EPSTI1: variants seen among roughly 807,000 people sequenced by gnomAD.
The protein encoded by EPSTI1 is epithelial-stromal interaction protein 1.
EPSTI1 carries 66 observed loss-of-function variants against 49.9 expected under a neutral mutation model. The observed-to-expected ratio is 1.32, with a 90% CI of 1.08 to 1.62. The LOEUF is 1.62. Among genes scored for constraint, EPSTI1 ranks in the 40% most tolerant of loss-of-function variants. The probability of loss-of-function intolerance (pLI) is 0.00; values close to 1 mark genes in which losing one functional copy is unlikely to be tolerated. For missense variants in EPSTI1, 394 were observed against 365.5 expected (o/e 1.08, Z -0.64); for synonymous variants, 137 against 130.7 (o/e 1.05, Z -0.33).
intron 6 of EPSTI1, among the ~76,000 whole-genome samples, chr13:42,930,426 A>G (rs190596561): frequency 1.4e-3 from 214 of 152,360 alleles, no homozygotes; most frequent in Non-Finnish European, 1.6e-3. Context: ...ACTGGGTATG[A>G]GCAAATGACA....
chr13:42,967,676 G>C (rs772637325), intron 3 of EPSTI1, among the ~76,000 whole-genome samples: 1 of 152,196 alleles, frequency 6.6e-6, no homozygotes, highest in Non-Finnish European at 1.5e-5. Context: ...CTGTATCAGG[G>C]AAATCCAGGT....
intron 6 of EPSTI1, among the ~76,000 whole-genome samples, chr13:42,931,191 C>CTTTT (rs57488808): frequency 1.3e-5 from 1 of 77,628 alleles, no homozygotes; most frequent in African/African-American, 4.9e-5. Context: ...TTGCCTACAG[C>CTTTT]TTTTTTTTTT....
At chr13:42,926,769 A>C (rs550544341) in intron 6 of EPSTI1, among the ~76,000 whole-genome samples, 2 of 152,172 alleles carry the variant, frequency 1.3e-5, no homozygotes, top group Admixed American at 6.5e-5. Context: ...CTGAACATTT[A>C]ATGCTTAACA....
chr13:42,916,591 CAAAG>C (rs1161034571), intron 8 of EPSTI1, among the ~76,000 whole-genome samples: 1 of 151,980 alleles, frequency 6.6e-6, no homozygotes, highest in Non-Finnish European at 1.5e-5. Flanking sequence ...TGGGGAAAGA[CAAAG>C]AAAACATAAA....
chr13:42,895,147 G>A, intron 9 of EPSTI1, 39 bp from the exon 10 acceptor site: 1 of 1,485,222 alleles, frequency 6.7e-7, no homozygotes, highest in African/African-American at 1.4e-5. Flanking sequence ...TAGAAAACTT[G>A]CTGCAGGGCT....
chr13:42,964,666 A>G (rs1048315978), intron 3 of EPSTI1, among the ~76,000 whole-genome samples: 7 of 152,222 alleles, frequency 4.6e-5, no homozygotes, highest in Non-Finnish European at 7.3e-5. Flanking sequence ...TAAAAATACA[A>G]TGGGAATATT....
In EPSTI1 at chr13:42,987,984, A is replaced by C. The variant is rs2040115781; in HGVS notation, c.188+3994T>G. 3.9e-5 allele frequency among the ~76,000 whole-genome samples: 6 copies of C among 152,336 alleles called. No homozygotes were observed. In the South Asian group the frequency reaches 1.2e-3, roughly 32 times the overall value. ...CCACAAAAATGTTAAGATTAACATA[A>C]TTTACATACAAATTCAGCTCAAGTT... On this transcript the variant is annotated intron_variant, in intron 1 of 10. Transcript: ENST00000313624.
At chr13:42,894,454 C>A (rs1242231854) in intron 10 of EPSTI1, among the ~76,000 whole-genome samples, 2 of 152,262 alleles carry the variant, frequency 1.3e-5, no homozygotes, top group Non-Finnish European at 2.9e-5. Flanking sequence ...AATAATATAT[C>A]ATGCACACAA....
chr13:42,943,706 T>C (rs2038833612), intron 6 of EPSTI1, among the ~76,000 whole-genome samples: 1 of 152,122 alleles, frequency 6.6e-6, no homozygotes, highest in Admixed American at 6.5e-5. Flanking sequence ...ATTAATTGCA[T>C]ACAGAGAAAG....
At chr13:42,968,110 G>A (rs960712087) in intron 3 of EPSTI1, among the ~76,000 whole-genome samples, 2 of 152,162 alleles carry the variant, frequency 1.3e-5, no homozygotes, top group Non-Finnish European at 2.9e-5. Context: ...CAAAAAGCCT[G>A]AGAAAGACTG....
intron 6 of EPSTI1, among the ~76,000 whole-genome samples, chr13:42,951,568 T>C (rs1399448088): frequency 6.6e-6 from 1 of 152,214 alleles, no homozygotes; most frequent in Non-Finnish European, 1.5e-5. Flanking sequence ...AGGGCAAACT[T>C]CTTTTTTCTT....
At chr13:42,951,498 G>T (rs762756773) in intron 6 of EPSTI1, among the ~76,000 whole-genome samples, 99 of 152,318 alleles carry the variant, frequency 6.5e-4, no homozygotes, top group South Asian at 1.7e-3. Flanking sequence ...AGAAGAAAGA[G>T]CAAGAGTGAA....
chr13:42,965,633 C>A (rs1037987843), intron 3 of EPSTI1, among the ~76,000 whole-genome samples: 1 of 151,726 alleles, frequency 6.6e-6, no homozygotes, highest in Non-Finnish European at 1.5e-5. Context: ...GAAATCTTCA[C>A]ACCAGATGAG....
intron 7 of EPSTI1, 35 bp from the exon 8 acceptor site, chr13:42,917,659 A>AAG: frequency 7.1e-7 from 1 of 1,408,928 alleles, no homozygotes; most frequent in Non-Finnish European, 9.6e-7. Flanking sequence ...AAAAAAAAAA[A>AAG]CAACTTGATA....
At chr13:42,971,360 G>C (rs1053667522) in intron 1 of EPSTI1, among the ~76,000 whole-genome samples, 2 of 152,208 alleles carry the variant, frequency 1.3e-5, no homozygotes, top group African/African-American at 4.8e-5. Context: ...CCCTGGCACA[G>C]TGTCTGGCAC....
At chr13:42,984,556 T>C (rs993316496) in intron 1 of EPSTI1, among the ~76,000 whole-genome samples, 2 of 152,338 alleles carry the variant, frequency 1.3e-5, no homozygotes, top group African/African-American at 2.4e-5. Context: ...AATAGTGATA[T>C]TGATAAAAAT....
chr13:42,936,464 C>T (rs1196386661), intron 6 of EPSTI1, among the ~76,000 whole-genome samples: 1 of 152,202 alleles, frequency 6.6e-6, no homozygotes, highest in Non-Finnish European at 1.5e-5. Context: ...CTCATTTGAA[C>T]TTTCAACACT....
intron 8 of EPSTI1, among the ~76,000 whole-genome samples, chr13:42,909,137 C>A (rs192480206): frequency 1.8e-4 from 28 of 152,062 alleles, no homozygotes; most frequent in Middle Eastern, 6.8e-3. Context: ...GCCTGTGTAG[C>A]TATTTCTTGA....
chr13:42,946,422 C>A (rs546762279), intron 6 of EPSTI1, among the ~76,000 whole-genome samples: 31 of 152,222 alleles, frequency 2.0e-4, no homozygotes, highest in African/African-American at 6.7e-4. Flanking sequence ...GCCCCTTGTC[C>A]CCTAGAAACA....
Sources: gnomAD v4.1 joint callset for allele counts (sites outside exome capture counted in the v4.1 genomes callset) on GRCh38, gnomAD v4.1.1 for gene constraint, MANE v1.5 for transcripts, NCBI Gene and HGNC (gene_info 2026-07-23, HGNC 2026-07-21) for gene names.